CYP7B1: variants seen among roughly 807,000 people sequenced by gnomAD.
CYP7B1 encodes the protein cytochrome P450 7B1.
CYP7B1 carries 29 observed loss-of-function variants against 42.7 expected under a neutral mutation model. That is an observed-to-expected ratio of 0.68 (90% CI 0.51 to 0.93). CYP7B1 has a LOEUF of 0.93. CYP7B1 is among the 40% of genes least tolerant of loss of function. CYP7B1 has a pLI of 0.00. For synonymous variants in CYP7B1, 235 were observed against 218.2 expected (o/e 1.08, Z -0.68); for missense variants, 655 against 600.5 (o/e 1.09, Z -0.95).
intron 1 of CYP7B1, among the ~76,000 whole-genome samples, chr8:64,632,349 T>C (rs534073411): frequency 6.6e-6 from 1 of 152,266 alleles, no homozygotes; most frequent in South Asian, 2.1e-4. Flanking sequence ...ATTCCACTTA[T>C]GTGAGATATC....
chr8:64,757,666 T>C (rs1186300792), intron 1 of CYP7B1, among the ~76,000 whole-genome samples: 1 of 152,222 alleles, frequency 6.6e-6, no homozygotes, highest in Non-Finnish European at 1.5e-5. Flanking sequence ...TTTACCAGCT[T>C]CACTCAGGTG....
chr8:64,600,859 A>G (rs1361767334), intron 5 of CYP7B1, among the ~76,000 whole-genome samples: 2 of 152,188 alleles, frequency 1.3e-5, no homozygotes, highest in African/African-American at 4.8e-5. Flanking sequence ...CTCAATAGGA[A>G]GCACCTCACT....
At chr8:64,678,433 A>G (rs938158908) in intron 1 of CYP7B1, among the ~76,000 whole-genome samples, 2 of 152,164 alleles carry the variant, frequency 1.3e-5, no homozygotes, top group African/African-American at 4.8e-5. Context: ...AATCATTGAA[A>G]GAAAAGAAAG....
intron 1 of CYP7B1, among the ~76,000 whole-genome samples, chr8:64,695,506 A>T (rs1360920163): frequency 6.6e-6 from 1 of 152,088 alleles, no homozygotes; most frequent in Non-Finnish European, 1.5e-5. Flanking sequence ...CAGACTGCTA[A>T]ATCTCTGTTA....
At chr8:64,778,458 A>G (rs1031897409) in intron 1 of CYP7B1, among the ~76,000 whole-genome samples, 2 of 151,934 alleles carry the variant, frequency 1.3e-5, no homozygotes, top group Non-Finnish European at 2.9e-5. Context: ...AGGAACCACT[A>G]TGTTTTGGTA....
At chr8:64,765,966 T>C (rs1807967400) in intron 1 of CYP7B1, among the ~76,000 whole-genome samples, 1 of 152,228 alleles carries the variant, frequency 6.6e-6, no homozygotes, top group Non-Finnish European at 1.5e-5. Context: ...CATATATTGT[T>C]ACTGCTAGAT....
chr8:64,705,454 T>C (rs1806981956), intron 1 of CYP7B1, among the ~76,000 whole-genome samples: 1 of 151,882 alleles, frequency 6.6e-6, no homozygotes, highest in Admixed American at 6.6e-5. Context: ...AATGGTATTC[T>C]CCAATTCAGA....
chr8:64,737,077 AT>A (rs1329898730), intron 1 of CYP7B1, among the ~76,000 whole-genome samples: 1 of 152,218 alleles, frequency 6.6e-6, no homozygotes, highest in Non-Finnish European at 1.5e-5. Context: ...AATGAAAAAT[AT>A]CCTAAATCAG....
chr8:64,641,308 T>G (rs1432495354), intron 1 of CYP7B1, among the ~76,000 whole-genome samples: 1 of 152,168 alleles, frequency 6.6e-6, no homozygotes, highest in African/African-American at 2.4e-5. Flanking sequence ...CAAATCCTAG[T>G]CCAGTTTAAT....
At chr8:64,613,364 T>C (rs1178243493) in intron 4 of CYP7B1, among the ~76,000 whole-genome samples, 2 of 152,162 alleles carry the variant, frequency 1.3e-5, no homozygotes, top group Admixed American at 6.6e-5. Flanking sequence ...TAAAAATGAT[T>C]TTTTAATAGC....
intron 1 of CYP7B1, among the ~76,000 whole-genome samples, chr8:64,689,788 G>C (rs183035229): frequency 2.6e-4 from 40 of 151,918 alleles, no homozygotes; most frequent in Non-Finnish European, 5.1e-4. Flanking sequence ...GGCTGCTCTC[G>C]AACTCCTAAC....
At chr8:64,712,372 G>A (rs1807093983) in intron 1 of CYP7B1, among the ~76,000 whole-genome samples, 2 of 151,758 alleles carry the variant, frequency 1.3e-5, no homozygotes, top group South Asian at 4.2e-4. Context: ...AGGCTGCCCT[G>A]CCTAGGGACA....
chr8:64,717,963 T>G (rs1807182735), intron 1 of CYP7B1, among the ~76,000 whole-genome samples: 1 of 151,882 alleles, frequency 6.6e-6, no homozygotes, highest in Admixed American at 6.6e-5. Flanking sequence ...AATTATAATA[T>G]AGACATGAAA....
chr8:64,684,303 T>C (rs1211241828), intron 1 of CYP7B1, among the ~76,000 whole-genome samples: 1 of 152,210 alleles, frequency 6.6e-6, no homozygotes, highest in African/African-American at 2.4e-5. Context: ...TCACTAGCTG[T>C]GTGGTGCTGA....
chr8:64,746,632 C>T (rs1329050468), intron 1 of CYP7B1, among the ~76,000 whole-genome samples: 1 of 151,956 alleles, frequency 6.6e-6, no homozygotes, highest in Non-Finnish European at 1.5e-5. Context: ...ACCTGTTAGC[C>T]CAGAGAAATA....
intron 1 of CYP7B1, among the ~76,000 whole-genome samples, chr8:64,693,175 C>T (rs1198764237): frequency 1.3e-5 from 2 of 152,238 alleles, no homozygotes; most frequent in East Asian, 3.8e-4. Flanking sequence ...AGAGTACTGT[C>T]ATGCAGAAAT....
intron 1 of CYP7B1, among the ~76,000 whole-genome samples, chr8:64,708,126 T>C (rs1256956390): frequency 6.6e-6 from 1 of 152,190 alleles, no homozygotes; most frequent in Non-Finnish European, 1.5e-5. Flanking sequence ...TGCCCAGTCA[T>C]CTGTATTGAG....
intron 1 of CYP7B1, among the ~76,000 whole-genome samples, chr8:64,672,014 T>C (rs1210429362): frequency 6.6e-6 from 1 of 152,186 alleles, no homozygotes; most frequent in South Asian, 2.1e-4. Flanking sequence ...TCTGAAGCCA[T>C]GACATTTAAG....
At position 64,769,174 on chromosome 8, in the gene CYP7B1, C is replaced by T. The variant is rs530062972; in HGVS notation, c.122+29292G>A. 9.2e-5 allele frequency among the ~76,000 whole-genome samples: 14 copies of T among 152,128 alleles called. No individual in the cohort carries two copies. In the South Asian group the frequency reaches 2.9e-3, roughly 32 times the overall value. ...CACATTGTGATATATTACTCTTAAA[C>T]CTAAAAAGTAAAATTTATAGTAATT... On this transcript the variant is annotated intron_variant, in intron 1 of 5. Coordinates refer to ENST00000310193, the MANE Select transcript of CYP7B1 (RefSeq NM_004820.5).
Sources: allele counts gnomAD v4.1 joint callset (sites outside exome capture counted in the v4.1 genomes callset), GRCh38; gene constraint gnomAD v4.1.1; transcripts MANE v1.5; gene names NCBI Gene and HGNC (gene_info 2026-07-23, HGNC 2026-07-21).